Variants in SLC2A13 observed in about 807,000 individuals in gnomAD.
SLC2A13 encodes the protein solute carrier family 2 member 13.
A neutral mutation model predicts 64.4 loss-of-function variants in SLC2A13; 32 were observed. The ratio of observed to expected loss-of-function variants is 0.50; its 90% CI spans 0.37 to 0.67. The LOEUF is 0.67. Among genes scored for constraint, SLC2A13 ranks in the 30% least tolerant of loss-of-function variants. The probability of loss-of-function intolerance (pLI) is 0.00; values close to 1 mark genes in which losing one functional copy is unlikely to be tolerated. For synonymous variants in SLC2A13, 338 were observed against 327.1 expected (o/e 1.03, Z -0.36); for missense variants, 743 against 829.2 (o/e 0.90, Z 1.28).
chr12:39,957,906 G>A lies in SLC2A13; in HGVS notation c.926-6541C>T, dbSNP rs28370696. Among the ~76,000 whole-genome samples, 1,246 of 152,050 alleles carry A rather than the reference G, an allele frequency of 8.2e-3. 9 individuals carry two copies. The highest frequency in any genetic ancestry group is 0.028 in the African/African-American group (1,165 of 41,458). Reference sequence around the variant, plus strand: ...TGAGGAGCTCATAATACCAGGATGGGGTCATCCACCAAAACAAAACAAGCT... The same window carrying A: ...TGAGGAGCTCATAATACCAGGATGGAGTCATCCACCAAAACAAAACAAGCT... On this transcript the variant is annotated intron_variant, in intron 3 of 9. Coordinates refer to ENST00000280871, the MANE Select transcript of SLC2A13 (RefSeq NM_052885.4).
chr12:40,106,076 G>A lies in SLC2A13; in HGVS notation c.-268C>T, dbSNP rs984771806. On this transcript the variant is annotated 5_prime_UTR_variant, in exon 1 of 10. Transcript: ENST00000280871. ...GCGCCTGCCGAGCTGGCGCTGCGGA[G>A]CGGGCGGGAGGCGGGACCGCGGGTC... 3.1e-6 allele frequency: 1 copy of A among 324,396 alleles called. No homozygotes were observed. The highest frequency in any genetic ancestry group is 5.5e-6 in the Non-Finnish European group (1 of 182,472). 20.1% of individuals were successfully genotyped at this position (324,396 alleles called of 1,614,324 possible). A position where few individuals can be genotyped will look rare whatever the true frequency, so the allele number is the denominator to read the frequency against.
chr12:40,084,351 A>C (rs1938521528), intron 1 of SLC2A13, among the ~76,000 whole-genome samples: 1 of 152,226 alleles, frequency 6.6e-6, no homozygotes, highest in Non-Finnish European at 1.5e-5. Flanking sequence ...GTCTATAAAA[A>C]CACAAAGCCA....
chr12:39,769,295 C>T (rs1011121185), intron 7 of SLC2A13, among the ~76,000 whole-genome samples: 23 of 152,072 alleles, frequency 1.5e-4, no homozygotes, highest in South Asian at 2.1e-4. Flanking sequence ...TCCTATGTGA[C>T]GAACTTACCT....
chr12:39,973,920 C>T (rs1946716069), intron 3 of SLC2A13, among the ~76,000 whole-genome samples: 1 of 152,204 alleles, frequency 6.6e-6, no homozygotes, highest in South Asian at 2.1e-4. Context: ...AAAACGACAA[C>T]TGCTTGTGAT....
intron 4 of SLC2A13, among the ~76,000 whole-genome samples, chr12:39,875,624 T>C (rs1324965749): frequency 6.6e-6 from 1 of 152,164 alleles, no homozygotes; most frequent in Non-Finnish European, 1.5e-5. Flanking sequence ...AAGGAAGGAA[T>C]GAAAGACAAG....
rs530000347 is a variant in SLC2A13, at chr12:40,100,447, T to C, written c.556+4806A>G. ...TTTTCACTGACTGTGTACATGCTAA[T>C]AGTGTTAACAGTACTATGCTCTTGT... is the stretch of plus-strand genomic sequence containing the variant. On this transcript the variant is annotated intron_variant, in intron 1 of 9. Coordinates refer to ENST00000280871, the MANE Select transcript of SLC2A13 (RefSeq NM_052885.4). Among the ~76,000 whole-genome samples the C allele has an allele frequency of 2.6e-5, 4 of 152,338 alleles. No individual in the cohort carries two copies. In the South Asian group the frequency reaches 6.2e-4, roughly 24 times the overall value.
At position 39,908,743 on chromosome 12, in the gene SLC2A13, C is replaced by T. The variant is rs1945355474; in HGVS notation, c.1035-36782G>A. Among the ~76,000 whole-genome samples, 3 of 151,948 alleles carry T rather than the reference C, an allele frequency of 2.0e-5. No homozygotes were observed. In the South Asian group the frequency reaches 6.2e-4, roughly 32 times the overall value. ...CCTTATATCCAGACCCACACTCTTCCTTACACCACAATTACTGTCAGGTCT... is the reference window on the plus strand; with the variant it reads ...CCTTATATCCAGACCCACACTCTTCTTTACACCACAATTACTGTCAGGTCT... On this transcript the variant is annotated intron_variant, in intron 4 of 9. Coordinates refer to ENST00000280871, the MANE Select transcript of SLC2A13 (RefSeq NM_052885.4).
chr12:39,782,024 G>T (rs1283391246), intron 7 of SLC2A13, among the ~76,000 whole-genome samples: 1 of 152,156 alleles, frequency 6.6e-6, no homozygotes, highest in African/African-American at 2.4e-5. Context: ...CTCTATCTTG[G>T]ATTCTAGATG....
intron 3 of SLC2A13, among the ~76,000 whole-genome samples, chr12:39,993,461 T>C (rs1032052454): frequency 3.3e-5 from 5 of 152,240 alleles, no homozygotes; most frequent in Non-Finnish European, 4.4e-5. Context: ...GCTTTACTCC[T>C]GCATCTTCCA....
intron 1 of SLC2A13, among the ~76,000 whole-genome samples, chr12:40,083,093 T>C (rs1215409594): frequency 1.3e-5 from 2 of 152,228 alleles, no homozygotes; most frequent in Non-Finnish European, 2.9e-5. Context: ...AGCTATGTTA[T>C]TCAGATTACT....
intron 1 of SLC2A13, among the ~76,000 whole-genome samples, chr12:40,049,485 T>C (rs1421179830): frequency 1.3e-5 from 2 of 152,172 alleles, no homozygotes; most frequent in South Asian, 2.1e-4. Flanking sequence ...CATTTCTCTA[T>C]GGTCTCAGTA....
At chr12:39,846,736 G>C (rs533871176) in intron 6 of SLC2A13, among the ~76,000 whole-genome samples, 94 of 152,270 alleles carry the variant, frequency 6.2e-4, no homozygotes, top group African/African-American at 2.1e-3. Context: ...ATAGGCATGA[G>C]CCACAATGCC....
chr12:40,025,705 A>G lies in SLC2A13; in HGVS notation c.925+2596T>C, dbSNP rs28370784. ...GGTTCCCTTCAGGTAGCTGCACTCT[A>G]TTGCCCACAGTTCCCAGGCTTGATG... On this transcript the variant is annotated intron_variant, in intron 3 of 9. Coordinates refer to ENST00000280871, the MANE Select transcript of SLC2A13 (RefSeq NM_052885.4). Among the ~76,000 whole-genome samples the G allele has an allele frequency of 7.6e-3, 1,152 of 152,290 alleles. 14 individuals are homozygous for G. Among genetic ancestry groups the G allele is most frequent in the African/African-American group, 0.026 (1,092 of 41,570 alleles).
chr12:39,921,373 T>C (rs1945612634), intron 4 of SLC2A13, among the ~76,000 whole-genome samples: 1 of 152,086 alleles, frequency 6.6e-6, no homozygotes, highest in Admixed American at 6.5e-5. Context: ...AAGGGAGCTC[T>C]CTCCTGCCCT....
chr12:39,978,665 G>C (rs534143452), intron 3 of SLC2A13, among the ~76,000 whole-genome samples: 1 of 152,286 alleles, frequency 6.6e-6, no homozygotes, highest in Admixed American at 6.5e-5. Flanking sequence ...CTGGCTCGGA[G>C]GGTCCTACGC....
At chr12:40,018,870 A>G (rs962806618) in intron 3 of SLC2A13, among the ~76,000 whole-genome samples, 8 of 152,136 alleles carry the variant, frequency 5.3e-5, no homozygotes, top group African/African-American at 1.9e-4. Context: ...GGCACTTAGT[A>G]ATGTTGAGTG....
chr12:39,805,167 T>C (rs1444189053), intron 7 of SLC2A13, among the ~76,000 whole-genome samples: 1 of 149,914 alleles, frequency 6.7e-6, no homozygotes, highest in Non-Finnish European at 1.5e-5. Flanking sequence ...AGTTGTGTGT[T>C]GGACGTGGCC....
At chr12:39,969,601 T>C (rs1235886031) in intron 3 of SLC2A13, among the ~76,000 whole-genome samples, 1 of 152,276 alleles carries the variant, frequency 6.6e-6, no homozygotes, top group Admixed American at 6.5e-5. Flanking sequence ...ATGTCTTCTT[T>C]TGAGAAGTGT....
At chr12:39,773,102 G>A (rs908449457) in intron 7 of SLC2A13, among the ~76,000 whole-genome samples, 2 of 152,234 alleles carry the variant, frequency 1.3e-5, no homozygotes, top group African/African-American at 2.4e-5. Flanking sequence ...TAATGCTCCC[G>A]AAAAGGAACA....
Sources: allele counts gnomAD v4.1 joint callset (sites outside exome capture counted in the v4.1 genomes callset), GRCh38; gene constraint gnomAD v4.1.1; transcripts MANE v1.5; gene names NCBI Gene and HGNC (gene_info 2026-07-23, HGNC 2026-07-21).